The following DNAJA3 variants were observed in gnomAD, a reference collection of about 807,000 sequenced individuals.
The protein encoded by DNAJA3 is DnaJ heat shock protein family (Hsp40) member A3.
Under a neutral mutation model 54.9 loss-of-function variants are expected in DNAJA3, and 29 were observed. That is an observed-to-expected ratio of 0.53 (90% CI 0.39 to 0.72). DNAJA3 has a LOEUF of 0.72. DNAJA3 is among the 30% of genes least tolerant of loss of function. The probability of loss-of-function intolerance (pLI) is 0.00; values close to 1 mark genes in which losing one functional copy is unlikely to be tolerated. For missense variants in DNAJA3, 708 were observed against 639.4 expected (o/e 1.11, Z -1.16); for synonymous variants, 302 against 251.4 (o/e 1.20, Z -1.90).
At chr16:4,430,549 G>A (rs1161534232) in intron 1 of DNAJA3, 1 of 146,798 alleles carries the variant, frequency 6.8e-6, no homozygotes, top group Non-Finnish European at 1.5e-5. Flanking sequence ...GGCAACAAGA[G>A]CCAAACTCCC....
rs547309662 is a variant in DNAJA3, at chr16:4,448,572, G to A, written c.1126-161G>A. Reference sequence around the variant, plus strand: ...TTGGCCAGGCAGGTCTTGAACTCCTGACCTCGTGATCAGCCTGCCTCGACC... The same window carrying A: ...TTGGCCAGGCAGGTCTTGAACTCCTAACCTCGTGATCAGCCTGCCTCGACC... On this transcript the variant is annotated intron_variant, in intron 8 of 11. Coordinates refer to ENST00000262375, the MANE Select transcript of DNAJA3 (RefSeq NM_005147.6). Among the ~76,000 whole-genome samples the A allele has an allele frequency of 2.0e-5, 3 of 152,294 alleles. No homozygotes were observed. In the East Asian group the frequency reaches 5.8e-4, roughly 29 times the overall value.
chr16:4,443,544 C>T lies in DNAJA3; in HGVS notation c.931+380C>T, dbSNP rs555835763. Among the ~76,000 whole-genome samples the T allele has an allele frequency of 3.3e-5, 5 of 152,238 alleles. No individual in the cohort carries two copies. The South Asian group carries it at 6.2e-4, about 19-fold the overall frequency. On this transcript the variant is annotated intron_variant, in intron 6 of 11. Coordinates refer to ENST00000262375, the MANE Select transcript of DNAJA3 (RefSeq NM_005147.6). Reference sequence around the variant, plus strand: ...TGCCACCCTATCTACATCAGCCCCACGGATCCCACCCCTCACTCCATGTCT... The same window carrying T: ...TGCCACCCTATCTACATCAGCCCCATGGATCCCACCCCTCACTCCATGTCT...
At chr16:4,437,535 A>G in intron 3 of DNAJA3, 50 bp downstream of exon 3, 1 of 1,530,398 alleles carries the variant, frequency 6.5e-7, no homozygotes. Flanking sequence ...TATGTGTATG[A>G]ATCAAAGGTT....
chr16:4,450,630 A>C, intron 10 of DNAJA3, 133 bp downstream of exon 10: 1 of 673,632 alleles, frequency 1.5e-6, no homozygotes, highest in East Asian at 3.0e-5. Flanking sequence ...CAGTTGAAAG[A>C]GGGGGGCTGT....
At chr16:4,451,578 G>A (rs1248186990) in intron 10 of DNAJA3, among the ~76,000 whole-genome samples, 3 of 151,782 alleles carry the variant, frequency 2.0e-5, no homozygotes, top group Admixed American at 1.3e-4. Context: ...ACAGCATGGC[G>A]AAACCCCATC....
At chr16:4,431,641 G>C (rs372204428) in intron 1 of DNAJA3, 1 of 151,614 alleles carries the variant, frequency 6.6e-6, no homozygotes, top group Non-Finnish European at 1.5e-5. Flanking sequence ...GCAATGGCGC[G>C]ATCTTGGCTC....
intron 3 of DNAJA3, among the ~76,000 whole-genome samples, chr16:4,439,487 G>C (rs999578943): frequency 1.3e-5 from 2 of 152,114 alleles, no homozygotes; most frequent in Non-Finnish European, 2.9e-5. Context: ...AACTTCCTGA[G>C]TAGCTGGGAC....
intron 10 of DNAJA3, among the ~76,000 whole-genome samples, chr16:4,453,687 C>T (rs1296753277): frequency 6.6e-6 from 1 of 152,162 alleles, no homozygotes; most frequent in Non-Finnish European, 1.5e-5. Flanking sequence ...CTGCCTTGGC[C>T]TCCCAAAGTG....
chr16:4,448,604 A>G (rs887176245), intron 8 of DNAJA3, 129 bp from the exon 9 acceptor site: 37 of 675,026 alleles, frequency 5.5e-5, no homozygotes, highest in South Asian at 7.4e-5. Flanking sequence ...GACCTCCCAA[A>G]GTGATGGGAG....
intron 1 of DNAJA3, among the ~76,000 whole-genome samples, chr16:4,428,195 C>G (rs1353735941): frequency 6.6e-6 from 1 of 152,154 alleles, no homozygotes; most frequent in African/African-American, 2.4e-5. Flanking sequence ...TTGTGATCCA[C>G]CCGCCTCAGC....
chr16:4,446,817 C>T, intron 7 of DNAJA3, 69 bp from the exon 8 acceptor site: 1 of 1,586,978 alleles, frequency 6.3e-7, no homozygotes, highest in Non-Finnish European at 8.6e-7. Context: ...TGGGCCTGGC[C>T]AGGCATGCAG....
intron 1 of DNAJA3, chr16:4,433,723 G>A (rs2056735772): frequency 6.6e-6 from 1 of 152,250 alleles, no homozygotes; most frequent in South Asian, 2.1e-4. Context: ...TGTGGCATAA[G>A]AGGGGGGAGC....
intron 10 of DNAJA3, among the ~76,000 whole-genome samples, chr16:4,452,923 G>A (rs1212864821): frequency 2.6e-5 from 4 of 152,160 alleles, no homozygotes; most frequent in African/African-American, 4.8e-5. Context: ...AGCATACACC[G>A]TCACATGTCA....
At chr16:4,431,875 C>T (rs909987333) in intron 1 of DNAJA3, 1 of 152,014 alleles carries the variant, frequency 6.6e-6, no homozygotes, top group Non-Finnish European at 1.5e-5. Context: ...GCCACCTTGC[C>T]TGGCCTAGAG....
chr16:4,434,677 C>T (rs17137026), intron 2 of DNAJA3, among the ~76,000 whole-genome samples, 160 bp downstream of exon 2: 2,788 of 152,050 alleles, frequency 0.018, 81 homozygotes, highest in African/African-American at 0.062. Context: ...GACTGTTTTT[C>T]GATGCACAAT....
chr16:4,439,023 AT>A (rs942359420), intron 3 of DNAJA3, among the ~76,000 whole-genome samples: 262 of 148,812 alleles, frequency 1.8e-3, no homozygotes, highest in African/African-American at 5.9e-3. Context: ...GATAAGATTA[AT>A]TTTTTTTTTT....
chr16:4,433,375 G>A (rs977432913), intron 1 of DNAJA3: 8 of 152,162 alleles, frequency 5.3e-5, no homozygotes, highest in South Asian at 2.1e-4. Flanking sequence ...GTTCTTCCCC[G>A]ACCTTCTTAG....
chr16:4,442,892 T>C, intron 5 of DNAJA3, 125 bp from the exon 6 acceptor site: 1 of 1,083,344 alleles, frequency 9.2e-7, no homozygotes. Context: ...AGGCAGTGTG[T>C]TTGAGTGCAC....
intron 1 of DNAJA3, among the ~76,000 whole-genome samples, chr16:4,430,117 T>G (rs548576294): frequency 6.6e-6 from 1 of 151,680 alleles, no homozygotes; most frequent in Non-Finnish European, 1.5e-5. Context: ...GAATTTGGCC[T>G]AGGCAACATA....
Sources: gnomAD v4.1 joint callset for allele counts (sites outside exome capture counted in the v4.1 genomes callset) on GRCh38, gnomAD v4.1.1 for gene constraint, MANE v1.5 for transcripts, NCBI Gene and HGNC (gene_info 2026-07-23, HGNC 2026-07-21) for gene names.